The following OR7E24 variants were observed in gnomAD, a reference collection of about 807,000 sequenced individuals.
OR7E24 encodes the protein olfactory receptor 7E24.
For synonymous variants in OR7E24, 130 were observed against 157.5 expected, an observed-to-expected ratio of 0.83 and a Z score of 1.31; for missense variants, 385 against 410.3, an observed-to-expected ratio of 0.94 and a Z score of 0.53.
At chr19:9,214,424 G>A in the OR7E24 span, 2 of 1,614,170 alleles carry the variant, frequency 1.2e-6, no homozygotes, top group South Asian at 2.2e-5. Flanking sequence ...CACAGAGGCA[G>A]GGGTTCATGA....
the OR7E24 span, chr19:9,236,133 G>A: frequency 1.1e-6 from 1 of 915,968 alleles, no homozygotes; most frequent in African/African-American, 1.6e-5. Context: ...TTAAGCAAAT[G>A]TGAATGCGCA....
the OR7E24 span, among the ~76,000 whole-genome samples, chr19:9,229,247 C>T: frequency 1.3e-5 from 2 of 152,076 alleles, no homozygotes; most frequent in Admixed American, 1.3e-4. Flanking sequence ...TTAAACTTTC[C>T]TGCCAGGGAT....
chr19:9,218,648 G>T, the OR7E24 span, among the ~76,000 whole-genome samples: 21 of 151,818 alleles, frequency 1.4e-4, no homozygotes, highest in Non-Finnish European at 2.8e-4. Flanking sequence ...TTTTTTGGGG[G>T]GGACATGGTG....
chr19:9,237,212 CT>C, the OR7E24 span, among the ~76,000 whole-genome samples: 4 of 152,120 alleles, frequency 2.6e-5, no homozygotes, highest in African/African-American at 9.6e-5. Context: ...TCTTACTTCT[CT>C]TTTCCCTTCT....
At chr19:9,228,206 C>T in the OR7E24 span, among the ~76,000 whole-genome samples, 1 of 152,092 alleles carries the variant, frequency 6.6e-6, no homozygotes, top group Non-Finnish European at 1.5e-5. Context: ...TTAATAATAG[C>T]CATTCTCACT....
chr19:9,222,313 T>C, the OR7E24 span, among the ~76,000 whole-genome samples: 1 of 152,234 alleles, frequency 6.6e-6, no homozygotes, highest in Non-Finnish European at 1.5e-5. Flanking sequence ...CTTTAGTGAT[T>C]CCACAAAAAT....
At chr19:9,215,559 C>G in the OR7E24 span, among the ~76,000 whole-genome samples, 12 of 152,010 alleles carry the variant, frequency 7.9e-5, no homozygotes, top group Non-Finnish European at 1.5e-4. Flanking sequence ...ACCCAAACAA[C>G]CTTTATTCTG....
At chr19:9,213,652 C>T in the OR7E24 span, 393 of 438,626 alleles carry the variant, frequency 9.0e-4, 2 homozygotes, top group Admixed American at 0.013. Context: ...GCAGGAGAAC[C>T]GCTTCAACCT....
At chr19:9,226,820 A>G in the OR7E24 span, among the ~76,000 whole-genome samples, 1 of 152,234 alleles carries the variant, frequency 6.6e-6, no homozygotes, top group South Asian at 2.1e-4. Flanking sequence ...ACTTGAGAAC[A>G]GAAGCACAAA....
At chr19:9,216,910 A>G in the OR7E24 span, among the ~76,000 whole-genome samples, 1 of 152,320 alleles carries the variant, frequency 6.6e-6, no homozygotes, top group African/African-American at 2.4e-5. Flanking sequence ...TGTTTTTAAC[A>G]TTACAATAAA....
chr19:9,247,533 C>T (rs1015814152), upstream of OR7E24: 14 of 398,564 alleles, frequency 3.5e-5, no homozygotes, highest in East Asian at 1.8e-4. Context: ...TGCTGAGGGA[C>T]GGTTGGGAGC....
upstream of OR7E24, among the ~76,000 whole-genome samples, chr19:9,245,391 A>C (rs1319002238): frequency 6.6e-6 from 1 of 152,200 alleles, no homozygotes; most frequent in African/African-American, 2.4e-5. Flanking sequence ...ACAAACAAGC[A>C]AAAAAACCTG....
the OR7E24 span, chr19:9,236,083 C>T: frequency 1.3e-4 from 192 of 1,425,688 alleles, 1 homozygote; most frequent in South Asian, 1.2e-3. Flanking sequence ...TTGTCTCTTA[C>T]GGTACACAAC....
the OR7E24 span, among the ~76,000 whole-genome samples, chr19:9,242,066 C>A: frequency 2.0e-5 from 3 of 152,140 alleles, no homozygotes; most frequent in African/African-American, 7.2e-5. Flanking sequence ...ATGCTTTCCT[C>A]AAAAATTACC....
chr19:9,215,485 C>T, the OR7E24 span, among the ~76,000 whole-genome samples: 50 of 152,004 alleles, frequency 3.3e-4, 2 homozygotes, highest in African/African-American at 9.6e-4. Context: ...GTCTTTTCCT[C>T]GATAATCCCC....
At chr19:9,247,664 A>G (rs928684943), upstream of OR7E24, 62 of 397,250 alleles carry the variant, frequency 1.6e-4, no homozygotes, top group Non-Finnish European at 4.0e-5. Flanking sequence ...TTCAGGGTTT[A>G]TGTTCAGGGT....
the OR7E24 span, among the ~76,000 whole-genome samples, chr19:9,216,031 GAA>G: frequency 6.6e-6 from 1 of 152,126 alleles, no homozygotes; most frequent in Non-Finnish European, 1.5e-5. Context: ...GGCAAAGAGA[GAA>G]AGCTTGTGCA....
At chr19:9,228,683 A>G in the OR7E24 span, among the ~76,000 whole-genome samples, 2 of 152,230 alleles carry the variant, frequency 1.3e-5, no homozygotes, top group Non-Finnish European at 2.9e-5. Context: ...TTTCACCAGG[A>G]CAAAACCTAC....
the OR7E24 span, chr19:9,214,120 T>C: frequency 2.5e-6 from 4 of 1,614,018 alleles, no homozygotes; most frequent in Admixed American, 5.0e-5. Flanking sequence ...GATCCACAGG[T>C]GGAAAAGGCT....
Sources: allele counts gnomAD v4.1 joint callset (sites outside exome capture counted in the v4.1 genomes callset), GRCh38; gene constraint gnomAD v4.1.1; transcripts MANE v1.5; gene names NCBI Gene and HGNC (gene_info 2026-07-23, HGNC 2026-07-21).